Variants in ATG10 observed in about 807,000 individuals in gnomAD.
ATG10 encodes the protein autophagy related 10.
ATG10 carries 30 observed loss-of-function variants against 32.1 expected under a neutral mutation model. That is an observed-to-expected ratio of 0.94 (90% CI 0.70 to 1.27). The LOEUF (loss-of-function observed/expected upper bound fraction) is 1.27. Ranked by LOEUF, ATG10 falls within the 50% of genes most tolerant of loss-of-function variation. ATG10 has a pLI of 0.00. For synonymous variants in ATG10, 87 were observed against 91.5 expected, an observed-to-expected ratio of 0.95 and a Z score of 0.28; for missense variants, 233 against 262.3, an observed-to-expected ratio of 0.89 and a Z score of 0.77.
intron 2 of ATG10, among the ~76,000 whole-genome samples, chr5:82,041,642 A>G (rs547556261): frequency 1.3e-5 from 2 of 152,318 alleles, no homozygotes; most frequent in Non-Finnish European, 2.9e-5. Context: ...ACTTATTACA[A>G]ATATGAAAAT....
chr5:82,097,893 T>G (rs1346162212), intron 3 of ATG10, among the ~76,000 whole-genome samples: 2 of 152,134 alleles, frequency 1.3e-5, no homozygotes, highest in African/African-American at 2.4e-5. Context: ...AGGAAGAGAA[T>G]GGACATCTTA....
At chr5:82,211,149 C>T (rs1267848313) in intron 5 of ATG10, among the ~76,000 whole-genome samples, 1 of 152,178 alleles carries the variant, frequency 6.6e-6, no homozygotes, top group African/African-American at 2.4e-5. Context: ...TTGTAAAACA[C>T]TGAATCGACT....
chr5:82,222,466 C>T (rs142301538), intron 5 of ATG10, among the ~76,000 whole-genome samples: 16 of 152,288 alleles, frequency 1.1e-4, no homozygotes, highest in African/African-American at 2.6e-4. Context: ...TGCAATCACA[C>T]TGGCTAGTAC....
chr5:82,109,440 C>T (rs1364711460), intron 3 of ATG10, among the ~76,000 whole-genome samples: 1 of 151,942 alleles, frequency 6.6e-6, no homozygotes, highest in Admixed American at 6.6e-5. Flanking sequence ...GAACTCACAC[C>T]TTGGGCTGAA....
chr5:82,117,373 A>T (rs1765849101), intron 3 of ATG10, among the ~76,000 whole-genome samples: 1 of 152,208 alleles, frequency 6.6e-6, no homozygotes, highest in East Asian at 1.9e-4. Flanking sequence ...AACTGTGAGA[A>T]CCAGATTTTT....
chr5:82,207,672 C>G (rs1745349746), intron 5 of ATG10, among the ~76,000 whole-genome samples: 1 of 151,958 alleles, frequency 6.6e-6, no homozygotes, highest in African/African-American at 2.4e-5. Flanking sequence ...ATTTTTTATG[C>G]TTTTTGTAGT....
Position 81,993,393 on chromosome 5 carries a change from T to TTTTCTTTTC in ATG10, c.108+5718_108+5719insCTTTTCTTT, listed in dbSNP as rs1487345532. ...CTTTTCTTTTCTTTTCTTTTCTTTT[T>TTTTCTTTTC]TTTTCTTTTCTTTTCTTTTCTTTTC... On this transcript the variant is annotated intron_variant, in intron 2 of 7. Coordinates refer to ENST00000282185, the MANE Select transcript of ATG10 (RefSeq NM_031482.5). Among the ~76,000 whole-genome samples the TTTTCTTTTC allele has an allele frequency of 1.9e-4, 20 of 105,668 alleles. 3 individuals carry two copies. Among genetic ancestry groups the TTTTCTTTTC allele is most frequent in the Non-Finnish European group, 2.5e-4 (14 of 55,016 alleles). 69.3% of individuals were successfully genotyped at this position (105,668 alleles called of 152,430 possible).
rs183379764 is a variant in ATG10, at chr5:82,040,789, C to A, written c.109-17706C>A. ...AATTTAGAATAATTTCAGCATAAAT[C>A]ATTACAATCAAATGGATAGAAATAT... On this transcript the variant is annotated intron_variant, in intron 2 of 7. Coordinates refer to ENST00000282185, the MANE Select transcript of ATG10 (RefSeq NM_031482.5). Among the ~76,000 whole-genome samples the A allele has an allele frequency of 1.5e-3, 230 of 152,288 alleles. 2 individuals carry two copies. Among genetic ancestry groups the A allele is most frequent in the South Asian group, 6.6e-3 (32 of 4,824 alleles).
At position 81,993,320 on chromosome 5, in the gene ATG10, T is replaced by TTCCTTCC. The variant is rs1491336204; in HGVS notation, c.108+5643_108+5644insCCTTCCT. 3.3e-3 allele frequency among the ~76,000 whole-genome samples: 342 copies of TTCCTTCC among 103,428 alleles called. 3 individuals carry two copies. Among genetic ancestry groups the TTCCTTCC allele is most frequent in the East Asian group, 8.0e-3 (21 of 2,624 alleles). 67.9% of individuals were successfully genotyped at this position (103,428 alleles called of 152,430 possible). On this transcript the variant is annotated intron_variant, in intron 2 of 7. Coordinates refer to ENST00000282185, the MANE Select transcript of ATG10 (RefSeq NM_031482.5). ...TTCTTTCCTTTCTTTCCTTTCTTTC[T>TTCCTTCC]TTCTTTCCTTCCTTCCTTCTTTCTT... is the stretch of plus-strand genomic sequence containing the variant.
intron 2 of ATG10, among the ~76,000 whole-genome samples, chr5:82,007,421 A>G (rs1472935113): frequency 6.6e-6 from 1 of 152,202 alleles, no homozygotes; most frequent in Non-Finnish European, 1.5e-5. Context: ...TTCTATCAGA[A>G]TATAATCAAA....
At chr5:82,054,920 G>T (rs1385569087) in intron 2 of ATG10, among the ~76,000 whole-genome samples, 2 of 152,156 alleles carry the variant, frequency 1.3e-5, no homozygotes, top group African/African-American at 2.4e-5. Context: ...AGTACAAAAA[G>T]AATGCAGGGA....
chr5:82,237,820 T>C (rs1309198219), intron 5 of ATG10, among the ~76,000 whole-genome samples: 1 of 152,082 alleles, frequency 6.6e-6, no homozygotes, highest in Non-Finnish European at 1.5e-5. Flanking sequence ...TAATGGAGTA[T>C]GGGGAGGAGA....
At chr5:82,101,870 G>T (rs1467381837) in intron 3 of ATG10, among the ~76,000 whole-genome samples, 1 of 152,094 alleles carries the variant, frequency 6.6e-6, no homozygotes, top group Non-Finnish European at 1.5e-5. Flanking sequence ...AAGAGGTTTC[G>T]ATAAAATAAG....
At chr5:82,139,570 C>T (rs1404957982) in intron 3 of ATG10, among the ~76,000 whole-genome samples, 20 of 142,976 alleles carry the variant, frequency 1.4e-4, no homozygotes, top group African/African-American at 2.4e-4. Flanking sequence ...TCTGCCCGGC[C>T]GCCCCGTCTG....
In ATG10 at chr5:82,042,844, T is replaced by C. The variant is rs115031204; in HGVS notation, c.109-15651T>C. On this transcript the variant is annotated intron_variant, in intron 2 of 7. Transcript: ENST00000282185. ...TCCCATGGGTTTGGGCAGCTCCGCC[T>C]CTGTGGCTCTGCAGGATACAGCTCC... Among the ~76,000 whole-genome samples the C allele has an allele frequency of 2.8e-3, 428 of 152,322 alleles. 2 individuals are homozygous for C. Among genetic ancestry groups the C allele is most frequent in the African/African-American group, 9.7e-3 (404 of 41,570 alleles).
At chr5:82,113,584 A>G (rs1396144207) in intron 3 of ATG10, among the ~76,000 whole-genome samples, 2 of 152,028 alleles carry the variant, frequency 1.3e-5, no homozygotes, top group Non-Finnish European at 2.9e-5. Flanking sequence ...GGAGCTGGAA[A>G]GATGCTAGTT....
At chr5:82,242,724 C>A in intron 5 of ATG10, 5 of 337,866 alleles carry the variant, frequency 1.5e-5, no homozygotes, top group South Asian at 4.7e-5. Flanking sequence ...AATTTTATAC[C>A]TACAAAAACC....
intron 2 of ATG10, among the ~76,000 whole-genome samples, chr5:82,029,520 T>G (rs1191516566): frequency 2.6e-5 from 4 of 152,176 alleles, no homozygotes; most frequent in Non-Finnish European, 5.9e-5. Flanking sequence ...ATTCAGCAGC[T>G]TAAGAAAATT....
chr5:82,255,733 G>A lies in ATG10; in HGVS notation c.*1670G>A, dbSNP rs970346045. 3.3e-5 allele frequency: 5 copies of A among 152,152 alleles called. No individual in the cohort carries two copies. The highest frequency in any genetic ancestry group is 1.2e-4 in the African/African-American group (5 of 41,416). 9.4% of individuals were successfully genotyped at this position (152,152 alleles called of 1,614,324 possible). A position where few individuals can be genotyped will look rare whatever the true frequency, so the allele number is the denominator to read the frequency against. On this transcript the variant is annotated 3_prime_UTR_variant, in exon 8 of 8. Transcript: ENST00000282185. ...TAGGCCTTACATGGATAGTAAGGAA[G>A]CTTAGGAGACATGTACACAAGGCAG...
Sources: allele counts gnomAD v4.1 joint callset (sites outside exome capture counted in the v4.1 genomes callset), GRCh38; gene constraint gnomAD v4.1.1; transcripts MANE v1.5; gene names NCBI Gene and HGNC (gene_info 2026-07-23, HGNC 2026-07-21).